The following NALF1 variants were observed in gnomAD, a reference collection of about 807,000 sequenced individuals.
NALF1 encodes the protein family with sequence similarity 155 member A.
In NALF1, 3 loss-of-function variants were observed where a neutral mutation model predicts 48.4. The ratio of observed to expected loss-of-function variants is 0.06; its 90% CI spans 0.03 to 0.16. NALF1 has a LOEUF of 0.16. NALF1 is among the 10% of genes least tolerant of loss of function. NALF1 has a pLI of 1.00. For synonymous variants in NALF1, 262 were observed against 245.7 expected (o/e 1.07, Z -0.62); for missense variants, 526 against 571.5 (o/e 0.92, Z 0.81).
chr13:107,824,898 T>C (rs1256448942), intron 1 of NALF1, among the ~76,000 whole-genome samples: 1 of 152,230 alleles, frequency 6.6e-6, no homozygotes, highest in South Asian at 2.1e-4. Context: ...CACTGGCCAA[T>C]GTCAGATGTG....
chr13:107,571,954 A>C (rs1877997685), intron 1 of NALF1, among the ~76,000 whole-genome samples: 1 of 152,208 alleles, frequency 6.6e-6, no homozygotes, highest in Non-Finnish European at 1.5e-5. Context: ...ATTTGTAGAA[A>C]TCATATTGAG....
chr13:107,217,638 G>T (rs145909650), intron 1 of NALF1, among the ~76,000 whole-genome samples: 2 of 151,924 alleles, frequency 1.3e-5, no homozygotes, highest in African/African-American at 4.8e-5. Flanking sequence ...TCTTCTTTTC[G>T]GAGGGAAGCA....
intron 1 of NALF1, among the ~76,000 whole-genome samples, chr13:107,596,073 G>A (rs2138421014): frequency 6.6e-6 from 1 of 152,284 alleles, no homozygotes; most frequent in South Asian, 2.1e-4. Context: ...GGGCAATGGA[G>A]AGAAAATTAT....
chr13:107,806,078 A>G (rs1022192463), intron 1 of NALF1, among the ~76,000 whole-genome samples: 3 of 152,206 alleles, frequency 2.0e-5, no homozygotes, highest in African/African-American at 7.2e-5. Flanking sequence ...TCAGATTGCA[A>G]GCATTTGAAG....
intron 1 of NALF1, among the ~76,000 whole-genome samples, chr13:107,257,152 C>T (rs1386838206): frequency 6.6e-6 from 1 of 152,134 alleles, no homozygotes; most frequent in South Asian, 2.1e-4. Context: ...AACTTACTCC[C>T]TGTCACAAGA....
intron 1 of NALF1, among the ~76,000 whole-genome samples, chr13:107,460,024 G>A (rs551538173): frequency 1.8e-3 from 281 of 152,318 alleles, no homozygotes; most frequent in Middle Eastern, 6.8e-3. Context: ...TTATAGGCAT[G>A]AGCCACCTCG....
At chr13:107,630,874 T>A (rs1382214300) in intron 1 of NALF1, among the ~76,000 whole-genome samples, 5 of 152,216 alleles carry the variant, frequency 3.3e-5, no homozygotes, top group Non-Finnish European at 1.5e-5. Context: ...GACAGCTACC[T>A]AGGTAACTGA....
At chr13:107,506,921 T>C (rs1023252971) in intron 1 of NALF1, among the ~76,000 whole-genome samples, 65 of 152,146 alleles carry the variant, frequency 4.3e-4, no homozygotes, top group Non-Finnish European at 4.4e-5. Context: ...TGTTGAGTAA[T>C]AGTAACTTTT....
intron 1 of NALF1, among the ~76,000 whole-genome samples, chr13:107,387,106 C>T (rs548505507): frequency 6.6e-6 from 1 of 152,206 alleles, no homozygotes; most frequent in East Asian, 1.9e-4. Flanking sequence ...AGATGCATCC[C>T]TGGGTAGAAA....
chr13:107,374,445 T>C (rs909174378), intron 1 of NALF1, among the ~76,000 whole-genome samples: 2 of 152,248 alleles, frequency 1.3e-5, no homozygotes, highest in East Asian at 3.8e-4. Flanking sequence ...ATATAATTTA[T>C]TTCTCAATGT....
chr13:107,409,787 G>A (rs904605578), intron 1 of NALF1, among the ~76,000 whole-genome samples: 2 of 152,152 alleles, frequency 1.3e-5, no homozygotes, highest in Non-Finnish European at 2.9e-5. Flanking sequence ...TATAGATCTG[G>A]ATCTGATAAT....
intron 1 of NALF1, among the ~76,000 whole-genome samples, chr13:107,431,332 T>A (rs1317827464): frequency 6.6e-6 from 1 of 152,074 alleles, no homozygotes; most frequent in Non-Finnish European, 1.5e-5. Context: ...CTTGAGGAGG[T>A]CTCACTTGAT....
chr13:107,613,175 AGACACT>A (rs1879286175), intron 1 of NALF1, among the ~76,000 whole-genome samples: 1 of 152,166 alleles, frequency 6.6e-6, no homozygotes, highest in African/African-American at 2.4e-5. Context: ...TTCTACTCAC[AGACACT>A]AACTTTGGAG....
intron 1 of NALF1, among the ~76,000 whole-genome samples, chr13:107,625,054 G>A (rs142229744): frequency 1.3e-3 from 198 of 152,182 alleles, no homozygotes; most frequent in African/African-American, 4.4e-3. Flanking sequence ...ACTGTCTACT[G>A]TGGCCCCTAA....
At chr13:107,588,483 G>T (rs1878517950) in intron 1 of NALF1, among the ~76,000 whole-genome samples, 1 of 152,012 alleles carries the variant, frequency 6.6e-6, no homozygotes, top group Admixed American at 6.6e-5. Context: ...TACAGAAAAA[G>T]CACCTGCAAT....
At chr13:107,505,415 A>T (rs1379282264) in intron 1 of NALF1, among the ~76,000 whole-genome samples, 1 of 152,182 alleles carries the variant, frequency 6.6e-6, no homozygotes, top group East Asian at 1.9e-4. Context: ...TTTTGTGGTT[A>T]TGAAGGGTCT....
At chr13:107,276,004 G>A (rs1338818434) in intron 1 of NALF1, among the ~76,000 whole-genome samples, 1 of 152,086 alleles carries the variant, frequency 6.6e-6, no homozygotes, top group Non-Finnish European at 1.5e-5. Flanking sequence ...GTTCTACCAC[G>A]TTGGCCTTTC....
Position 107,851,800 on chromosome 13 carries a change from C to A in NALF1, c.915+13882G>T, listed in dbSNP as rs1880321358. 4.8e-5 allele frequency among the ~76,000 whole-genome samples: 5 copies of A among 105,168 alleles called. No individual in the cohort carries two copies. The South Asian group carries it at 1.8e-3, about 38-fold the overall frequency. 69.0% of individuals were successfully genotyped at this position (105,168 alleles called of 152,430 possible). ...CTTTTGGATTAAGGGCTTTACAGGC[C>A]CTTTCTTTTTTTTTTTTTTTTTTTT... On this transcript the variant is annotated intron_variant, in intron 1 of 2. Transcript: ENST00000375915.
intron 1 of NALF1, among the ~76,000 whole-genome samples, chr13:107,548,145 G>T (rs1337708584): frequency 6.6e-6 from 1 of 151,914 alleles, no homozygotes; most frequent in Admixed American, 6.6e-5. Context: ...TCCTCGAGTA[G>T]CCCCCAGGGT....
Sources: allele counts gnomAD v4.1 joint callset (sites outside exome capture counted in the v4.1 genomes callset), GRCh38; gene constraint gnomAD v4.1.1; transcripts MANE v1.5; gene names NCBI Gene and HGNC (gene_info 2026-07-23, HGNC 2026-07-21).